ADCK1: variants seen among roughly 807,000 people sequenced by gnomAD.
ADCK1 encodes the protein aarF domain containing kinase 1, also known as aarF domain-containing protein kinase 1.
A neutral mutation model predicts 52.3 loss-of-function variants in ADCK1; 41 were observed. The ratio of observed to expected loss-of-function variants is 0.78; its 90% CI spans 0.61 to 1.02. The LOEUF (loss-of-function observed/expected upper bound fraction) is 1.02. Ranked by LOEUF, ADCK1 falls within the 50% of genes least tolerant of loss-of-function variation. The pLI is 0.00. For missense variants in ADCK1, 658 were observed against 679.5 expected (o/e 0.97, Z 0.35); for synonymous variants, 250 against 274.6 (o/e 0.91, Z 0.89).
intron 3 of ADCK1, among the ~76,000 whole-genome samples, chr14:77,856,949 C>T (rs1014306627): frequency 2.0e-5 from 3 of 151,976 alleles, no homozygotes; most frequent in Admixed American, 1.3e-4. Context: ...TTGCAGTGAG[C>T]CGAGACTGCA....
chr14:77,921,065 G>A (rs554119383), intron 7 of ADCK1, among the ~76,000 whole-genome samples: 51 of 151,072 alleles, frequency 3.4e-4, no homozygotes, highest in African/African-American at 1.2e-3. Context: ...GGTGGCTCAC[G>A]CCTGTAATCC....
intron 3 of ADCK1, among the ~76,000 whole-genome samples, chr14:77,841,848 TA>T (rs59818962): frequency 0.044 from 4,862 of 109,628 alleles, 118 homozygotes; most frequent in South Asian, 0.097. Flanking sequence ...TGACACTCTT[TA>T]AAAAAAAAAA....
intron 4 of ADCK1, 99 bp from the exon 5 acceptor site, chr14:77,886,992 G>T: frequency 2.3e-6 from 3 of 1,308,436 alleles, no homozygotes; most frequent in Non-Finnish European, 3.1e-6. Context: ...AATCTGTCCT[G>T]GGGGCACTAG....
chr14:77,804,367 GCTCCAGT>G (rs1243284557), intron 1 of ADCK1, among the ~76,000 whole-genome samples: 1 of 152,220 alleles, frequency 6.6e-6, no homozygotes, highest in African/African-American at 2.4e-5. Context: ...GAAAACTCTA[GCTCCAGT>G]CTATTTAGAT....
chr14:77,827,815 T>A (rs561584728), intron 3 of ADCK1: 4 of 412,990 alleles, frequency 9.7e-6, no homozygotes, highest in Non-Finnish European at 1.9e-5. Context: ...CTGCTTTTAT[T>A]TTTTTAGTTT....
At chr14:77,881,416 G>A (rs2083021589) in intron 4 of ADCK1, among the ~76,000 whole-genome samples, 2 of 152,188 alleles carry the variant, frequency 1.3e-5, no homozygotes, top group Admixed American at 6.5e-5. Flanking sequence ...CCATGCTATC[G>A]CTTCTTCCAT....
chr14:77,815,575 A>G (rs1391961968), intron 1 of ADCK1, among the ~76,000 whole-genome samples: 1 of 147,756 alleles, frequency 6.8e-6, no homozygotes, highest in Non-Finnish European at 1.5e-5. Context: ...ACTGGAGTGC[A>G]GTGGCATAAT....
chr14:77,822,423 C>T lies in ADCK1; in HGVS notation c.136-12C>T, dbSNP rs201820441. ...CAGGTGCTAAGCTTTTCTCCACTGC[C>T]TTGGTTCACAGACGGCTGTCATCAG... On this transcript the variant is annotated splice_polypyrimidine_tract_variant and intron_variant, in intron 2 of 10. Transcript: ENST00000238561. The T allele has an allele frequency of 3.1e-6, 5 of 1,611,016 alleles. No individual in the cohort carries two copies. The highest frequency in any genetic ancestry group is 2.2e-5 in the East Asian group (1 of 44,866).
At chr14:77,809,543 T>C (rs1445139280) in intron 1 of ADCK1, among the ~76,000 whole-genome samples, 1 of 151,820 alleles carries the variant, frequency 6.6e-6, no homozygotes, top group Non-Finnish European at 1.5e-5. Context: ...TTGGCCAGGC[T>C]GGTCTTGAAC....
intron 4 of ADCK1, among the ~76,000 whole-genome samples, chr14:77,862,861 C>T (rs2082581688): frequency 1.3e-5 from 2 of 152,124 alleles, no homozygotes; most frequent in Non-Finnish European, 2.9e-5. Flanking sequence ...CACATAGTGC[C>T]CAACGAGCTT....
intron 1 of ADCK1, among the ~76,000 whole-genome samples, chr14:77,814,832 C>T (rs1372348358): frequency 2.0e-5 from 3 of 151,372 alleles, no homozygotes; most frequent in Non-Finnish European, 4.4e-5. Flanking sequence ...TTCGGTGGCC[C>T]ATGGGGTGGA....
intron 3 of ADCK1, among the ~76,000 whole-genome samples, chr14:77,827,156 A>G (rs1458242452): frequency 6.6e-6 from 1 of 151,314 alleles, no homozygotes; most frequent in Non-Finnish European, 1.5e-5. Context: ...GATCGAGACC[A>G]TCCTGGCCAA....
chr14:77,831,519 G>A (rs910812733), intron 3 of ADCK1, among the ~76,000 whole-genome samples: 1 of 152,178 alleles, frequency 6.6e-6, no homozygotes, highest in East Asian at 1.9e-4. Context: ...TGGAGTATGG[G>A]ACAGCTATTT....
chr14:77,931,985 A>G (rs1366825511), intron 10 of ADCK1, among the ~76,000 whole-genome samples: 1 of 152,204 alleles, frequency 6.6e-6, no homozygotes, highest in Non-Finnish European at 1.5e-5. Flanking sequence ...TCTTTGTCCT[A>G]TAGATGAGAC....
At chr14:77,855,795 T>C (rs1163747021) in intron 3 of ADCK1, among the ~76,000 whole-genome samples, 1 of 152,140 alleles carries the variant, frequency 6.6e-6, no homozygotes, top group Non-Finnish European at 1.5e-5. Flanking sequence ...CAGAATCTTG[T>C]CCATTTAGAG....
At chr14:77,880,504 C>A (rs1203561893) in intron 4 of ADCK1, among the ~76,000 whole-genome samples, 1 of 152,198 alleles carries the variant, frequency 6.6e-6, no homozygotes, top group Non-Finnish European at 1.5e-5. Flanking sequence ...GCTGTTATTG[C>A]CATTATTATT....
chr14:77,818,030 G>A (rs1221577096), intron 1 of ADCK1, among the ~76,000 whole-genome samples: 3 of 151,924 alleles, frequency 2.0e-5, no homozygotes, highest in South Asian at 2.1e-4. Flanking sequence ...GAGCCACCAC[G>A]CTGGGCCTCA....
intron 2 of ADCK1, among the ~76,000 whole-genome samples, chr14:77,819,699 A>C (rs1439393502): frequency 1.3e-5 from 2 of 152,230 alleles, no homozygotes; most frequent in Non-Finnish European, 2.9e-5. Flanking sequence ...TGGTGTGATC[A>C]GGTCCTCTTA....
At chr14:77,895,699 T>C (rs2083393655) in intron 5 of ADCK1, among the ~76,000 whole-genome samples, 1 of 152,206 alleles carries the variant, frequency 6.6e-6, no homozygotes, top group Admixed American at 6.5e-5. Context: ...TATTTTACTT[T>C]CTTCAGCCAA....
Sources: gnomAD v4.1 joint callset for allele counts (sites outside exome capture counted in the v4.1 genomes callset) on GRCh38, gnomAD v4.1.1 for gene constraint, MANE v1.5 for transcripts, NCBI Gene and HGNC (gene_info 2026-07-23, HGNC 2026-07-21) for gene names.